Variants in GOLM2 observed in about 807,000 individuals in gnomAD.
GOLM2 encodes the protein golgi membrane protein 2, also known as protein GOLM2.
GOLM2 carries 26 observed loss-of-function variants against 55.9 expected under a neutral mutation model. The observed-to-expected ratio is 0.47, with a 90% CI of 0.34 to 0.65. The LOEUF is 0.65. GOLM2 is among the 30% of genes least tolerant of loss of function. GOLM2 has a pLI of 0.01. For missense variants in GOLM2, 486 were observed against 531.8 expected (o/e 0.91, Z 0.85); for synonymous variants, 165 against 194.6 (o/e 0.85, Z 1.27).
In GOLM2 at chr15:44,289,225, C is replaced by T; in HGVS notation, c.196C>T (p.Arg66Cys). Residue 66 changes from arginine (R) to cysteine (C), a missense_variant, in exon 1 of 10, where the codon CGC (arginine) becomes TGC (cysteine). By Grantham distance (180) the Arg-to-Cys change is radical (BLOSUM62 -3). Coordinates refer to ENST00000299957, the MANE Select transcript of GOLM2 (RefSeq NM_138423.4). The surrounding 1 kb of genome is among the most constrained non-coding windows in gnomAD (Gnocchi z 4.8). ...TEVARGRLEK[R>C]NSDLLLLVDT... ...AGTGGCCCGCGGGCGGCTGGAAAAG[C>T]GCAATTCGGACCTCTTGCTGTTGGT... The T allele has an allele frequency of 1.2e-6, 2 of 1,614,172 alleles. No homozygotes were observed. The highest frequency in any genetic ancestry group is 8.5e-7 in the Non-Finnish European group (1 of 1,180,022).
chr15:44,315,611 C>A (rs1320175671), intron 1 of GOLM2, among the ~76,000 whole-genome samples: 1 of 151,990 alleles, frequency 6.6e-6, no homozygotes, highest in Non-Finnish European at 1.5e-5. Flanking sequence ...AGGGAAGTAT[C>A]AGGAAAAAAG....
intron 8 of GOLM2, among the ~76,000 whole-genome samples, chr15:44,399,578 T>A (rs1001895203): frequency 6.6e-6 from 1 of 152,210 alleles, no homozygotes; most frequent in African/African-American, 2.4e-5. Context: ...TGTTGGAATA[T>A]TATAACAGGT....
chr15:44,312,460 C>T (rs2078880807), intron 1 of GOLM2, among the ~76,000 whole-genome samples: 1 of 152,074 alleles, frequency 6.6e-6, no homozygotes, highest in South Asian at 2.1e-4. Flanking sequence ...TGTAGGAATA[C>T]CTACATCTGT....
At chr15:44,390,618 T>G (rs919298171) in intron 8 of GOLM2, among the ~76,000 whole-genome samples, 27 of 150,604 alleles carry the variant, frequency 1.8e-4, no homozygotes, top group African/African-American at 5.6e-4. Context: ...CAGGCTGGAG[T>G]GCAATGGCAC....
intron 1 of GOLM2, among the ~76,000 whole-genome samples, chr15:44,298,687 A>G (rs1480570214): frequency 6.6e-6 from 1 of 152,166 alleles, no homozygotes; most frequent in Non-Finnish European, 1.5e-5. Context: ...TTCTCAACGA[A>G]ATTTTAAGTT....
chr15:44,384,007 G>A (rs2079423385), intron 8 of GOLM2, among the ~76,000 whole-genome samples: 1 of 151,988 alleles, frequency 6.6e-6, no homozygotes, highest in African/African-American at 2.4e-5. Context: ...AGATAATTCA[G>A]ATTTATCACA....
chr15:44,304,084 G>A (rs1415892609), intron 1 of GOLM2, among the ~76,000 whole-genome samples: 1 of 151,178 alleles, frequency 6.6e-6, no homozygotes, highest in Non-Finnish European at 1.5e-5. Context: ...TGTTCCCCAG[G>A]GCTGGTCTTG....
intron 8 of GOLM2, among the ~76,000 whole-genome samples, chr15:44,391,816 C>T (rs1303893338): frequency 6.6e-6 from 1 of 151,932 alleles, no homozygotes; most frequent in Non-Finnish European, 1.5e-5. Context: ...ATTTTGGTAC[C>T]TAAATGGTTT....
intron 1 of GOLM2, among the ~76,000 whole-genome samples, chr15:44,315,045 G>A (rs909856517): frequency 6.6e-6 from 1 of 152,116 alleles, no homozygotes; most frequent in Non-Finnish European, 1.5e-5. Flanking sequence ...GCCAAACCTG[G>A]CTGCTTATCA....
At chr15:44,332,530 A>T (rs1003512389) in intron 4 of GOLM2, among the ~76,000 whole-genome samples, 18 of 151,914 alleles carry the variant, frequency 1.2e-4, no homozygotes, top group Admixed American at 6.6e-5. Flanking sequence ...ACTGCACTCC[A>T]GTCTGGGCAA....
intron 1 of GOLM2, among the ~76,000 whole-genome samples, chr15:44,299,988 T>C (rs942668661): frequency 5.3e-5 from 8 of 150,616 alleles, no homozygotes; most frequent in African/African-American, 2.0e-4. Context: ...TAGTCTTAAT[T>C]GCTTGGGAGG....
At chr15:44,314,775 C>G (rs1003654828) in intron 1 of GOLM2, among the ~76,000 whole-genome samples, 1 of 152,012 alleles carries the variant, frequency 6.6e-6, no homozygotes, top group South Asian at 2.1e-4. Flanking sequence ...AGACTCTGGA[C>G]GGGGTCTATT....
chr15:44,351,358 C>T (rs550279727), intron 6 of GOLM2, among the ~76,000 whole-genome samples: 26 of 151,810 alleles, frequency 1.7e-4, no homozygotes, highest in Admixed American at 1.4e-3. Context: ...GGGTGGATCA[C>T]GAGGTCAGGA....
intron 6 of GOLM2, among the ~76,000 whole-genome samples, chr15:44,342,667 A>G (rs972054471): frequency 2.6e-5 from 4 of 152,346 alleles, no homozygotes; most frequent in African/African-American, 9.6e-5. Flanking sequence ...TTTTGAGTGT[A>G]AAGATTATTT....
At chr15:44,339,732 G>A (rs1014639944) in intron 6 of GOLM2, among the ~76,000 whole-genome samples, 7 of 151,954 alleles carry the variant, frequency 4.6e-5, no homozygotes, top group African/African-American at 1.7e-4. Context: ...TCTCCTGGGC[G>A]CAAGCTATCC....
intron 2 of GOLM2, among the ~76,000 whole-genome samples, chr15:44,327,486 C>T (rs559446844): frequency 2.6e-5 from 4 of 152,160 alleles, no homozygotes; most frequent in Non-Finnish European, 5.9e-5. Flanking sequence ...AGGAATAAGA[C>T]TAATTCTGTA....
At chr15:44,294,154 A>T (rs892353072) in intron 1 of GOLM2, among the ~76,000 whole-genome samples, 1 of 152,128 alleles carries the variant, frequency 6.6e-6, no homozygotes, top group Non-Finnish European at 1.5e-5. Flanking sequence ...TTTCATTGTG[A>T]CATACCCCTT....
intron 6 of GOLM2, among the ~76,000 whole-genome samples, chr15:44,352,888 A>G (rs920721645): frequency 6.6e-6 from 1 of 151,652 alleles, no homozygotes; most frequent in African/African-American, 2.4e-5. Context: ...CCTGGGCAAT[A>G]AGAGCAAAAC....
intron 9 of GOLM2, among the ~76,000 whole-genome samples, chr15:44,407,180 C>T (rs2079602814): frequency 7.0e-6 from 1 of 142,908 alleles, no homozygotes. Flanking sequence ...ATATTTATAA[C>T]ATATTTCTAT....
Sources: allele counts gnomAD v4.1 joint callset (sites outside exome capture counted in the v4.1 genomes callset), GRCh38; gene constraint gnomAD v4.1.1; non-coding constraint Gnocchi (gnomAD v3.1); transcripts MANE v1.5; gene names NCBI Gene and HGNC (gene_info 2026-07-23, HGNC 2026-07-21).